Variants in RIN2 observed in about 807,000 individuals in gnomAD.
RIN2 encodes RAB5 interacting protein 2.
Under a neutral mutation model 78.0 loss-of-function variants are expected in RIN2, and 36 were observed. The observed-to-expected ratio is 0.46, with a 90% CI of 0.35 to 0.61. The LOEUF (loss-of-function observed/expected upper bound fraction) is 0.61, where lower values mean the gene tolerates loss of function less well. Ranked by LOEUF, RIN2 falls within the 20% of genes least tolerant of loss-of-function variation. RIN2 has a pLI of 0.00. For synonymous variants in RIN2, 466 were observed against 466.8 expected (o/e 1.00, Z 0.02); for missense variants, 1,087 against 1,159.7 (o/e 0.94, Z 0.91).
intron 3 of RIN2, among the ~76,000 whole-genome samples, chr20:19,906,028 T>C (rs553356384): frequency 1.3e-5 from 2 of 152,244 alleles, no homozygotes; most frequent in East Asian, 3.9e-4. Context: ...GCCAGGGCCA[T>C]GAATCTATAT....
intron 3 of RIN2, among the ~76,000 whole-genome samples, chr20:19,900,945 C>CAAAAAAAAAAAAAAAAAAAAAA (rs869239642): frequency 3.4e-5 from 1 of 29,572 alleles, no homozygotes. Flanking sequence ...AGCTCTGTCT[C>CAAAAAAAAAAAAAAAAAAAAAA]AAAAAAAAAA....
At chr20:19,982,196 T>A (rs868603040) in intron 9 of RIN2, among the ~76,000 whole-genome samples, 1 of 152,146 alleles carries the variant, frequency 6.6e-6, no homozygotes. Flanking sequence ...ATACAATTGC[T>A]CCTGGTGGAG....
intron 3 of RIN2, among the ~76,000 whole-genome samples, chr20:19,891,128 G>A (rs1225903869): frequency 6.6e-6 from 1 of 152,206 alleles, no homozygotes; most frequent in South Asian, 2.1e-4. Flanking sequence ...GTTACGTTAT[G>A]TTGACACAGA....
chr20:19,877,820 A>C (rs2037902275), intron 2 of RIN2, among the ~76,000 whole-genome samples: 1 of 152,004 alleles, frequency 6.6e-6, no homozygotes, highest in African/African-American at 2.4e-5. Context: ...GGAGTTCAAG[A>C]CTAGACTGGA....
intron 3 of RIN2, among the ~76,000 whole-genome samples, chr20:19,904,329 A>G (rs115359002): frequency 0.012 from 1,807 of 151,532 alleles, 39 homozygotes; most frequent in African/African-American, 0.041. Context: ...CGCTGCCTAT[A>G]TATGGTTCAT....
chr20:19,966,193 A>C (rs112390767), intron 7 of RIN2, among the ~76,000 whole-genome samples: 161 of 152,318 alleles, frequency 1.1e-3, no homozygotes, highest in Non-Finnish European at 2.1e-3. Context: ...CACTTCTCAC[A>C]GCTAACACAC....
chr20:19,979,239 T>G (rs1453207268), intron 9 of RIN2, among the ~76,000 whole-genome samples: 3 of 152,226 alleles, frequency 2.0e-5, no homozygotes, highest in Non-Finnish European at 4.4e-5. Context: ...TTAGTAATCT[T>G]AAATTTTCTA....
At chr20:19,931,510 A>G (rs1444772317) in intron 3 of RIN2, among the ~76,000 whole-genome samples, 2 of 152,308 alleles carry the variant, frequency 1.3e-5, no homozygotes, top group East Asian at 1.9e-4. Flanking sequence ...TATAAACATT[A>G]TATGGATACA....
intron 1 of RIN2, among the ~76,000 whole-genome samples, chr20:19,760,949 C>T (rs201439193): frequency 6.6e-6 from 1 of 152,192 alleles, no homozygotes; most frequent in African/African-American, 2.4e-5. Context: ...TGTCTGTAAG[C>T]TTCCCAGGGT....
intron 3 of RIN2, among the ~76,000 whole-genome samples, chr20:19,899,402 G>C (rs2038880801): frequency 6.6e-6 from 1 of 152,158 alleles, no homozygotes; most frequent in Non-Finnish European, 1.5e-5. Flanking sequence ...TGTCTTTATG[G>C]TGGCATGTAG....
intron 7 of RIN2, among the ~76,000 whole-genome samples, chr20:19,968,934 C>T (rs2042019769): frequency 6.6e-6 from 1 of 152,056 alleles, no homozygotes; most frequent in Non-Finnish European, 1.5e-5. Context: ...CCTGCTTCAT[C>T]TCAAACAGAC....
At chr20:19,908,365 C>T (rs1009588258) in intron 3 of RIN2, among the ~76,000 whole-genome samples, 1 of 152,062 alleles carries the variant, frequency 6.6e-6, no homozygotes, top group African/African-American at 2.4e-5. Context: ...GTGGCGGGCG[C>T]CTGCAGTCCC....
chr20:19,919,967 G>T (rs1213647529), intron 3 of RIN2, among the ~76,000 whole-genome samples: 2 of 152,174 alleles, frequency 1.3e-5, no homozygotes, highest in East Asian at 3.9e-4. Flanking sequence ...ACTAACTGGG[G>T]CTGCCGAAAG....
At chr20:19,937,985 C>A (rs1221333879) in intron 4 of RIN2, among the ~76,000 whole-genome samples, 1 of 152,206 alleles carries the variant, frequency 6.6e-6, no homozygotes, top group Non-Finnish European at 1.5e-5. Flanking sequence ...TGGCCAGTGC[C>A]CACCTCCCGT....
chr20:19,813,577 A>G (rs897258625), intron 2 of RIN2, among the ~76,000 whole-genome samples: 5 of 151,284 alleles, frequency 3.3e-5, no homozygotes, highest in Non-Finnish European at 7.4e-5. Context: ...TTATAATAGG[A>G]ATTACAAAAT....
chr20:19,807,799 C>T (rs2035453097), intron 2 of RIN2, among the ~76,000 whole-genome samples: 1 of 152,214 alleles, frequency 6.6e-6, no homozygotes, highest in South Asian at 2.1e-4. Context: ...GTGCTTCTCT[C>T]AATACCTTGG....
intron 2 of RIN2, among the ~76,000 whole-genome samples, chr20:19,846,209 G>A (rs966086841): frequency 1.3e-5 from 2 of 152,042 alleles, no homozygotes; most frequent in Non-Finnish European, 2.9e-5. Flanking sequence ...TTGGCTATAC[G>A]GGCTCTTTTT....
chr20:19,872,851 C>G (rs1055460945), intron 2 of RIN2, among the ~76,000 whole-genome samples: 4 of 152,158 alleles, frequency 2.6e-5, no homozygotes, highest in Non-Finnish European at 4.4e-5. Flanking sequence ...GATTATGATG[C>G]TCACTATTCA....
Position 19,992,231 on chromosome 20 carries a change from T to A in RIN2, c.2132T>A (p.Met711Lys), listed in dbSNP as rs191192076. The change falls in exon 11 of 13, where the codon ATG becomes AAG. Residue 711 changes from methionine to lysine, a missense_variant. This residue lies in a region of RIN2 where 45 missense variants were observed against 88.1 expected (regional missense o/e 0.51). Transcript: ENST00000255006. ...VLTYVIAQCD[M>K]LELDTEIEYM... The stretch of plus-strand genomic sequence containing the variant: ...ACCTATGTCATAGCCCAGTGTGACA[T>A]GCTTGAATTGGACACTGAAATCGAG... 1 of 1,607,246 alleles carries A rather than the reference T, an allele frequency of 6.2e-7. No homozygotes were observed. Among genetic ancestry groups the A allele is most frequent in the Admixed American group, 1.7e-5 (1 of 59,114 alleles).
Sources: gnomAD v4.1 joint callset for allele counts (sites outside exome capture counted in the v4.1 genomes callset) on GRCh38, gnomAD v4.1.1 for gene constraint, gnomAD v4.1.1 regional missense constraint, MANE v1.5 for transcripts, NCBI Gene and HGNC (gene_info 2026-07-23, HGNC 2026-07-21) for gene names.